HSF2BP: variants seen among roughly 807,000 people sequenced by gnomAD.
The protein encoded by HSF2BP is heat shock factor 2-binding protein.
In HSF2BP, 35 loss-of-function variants were observed where a neutral mutation model predicts 35.0. The observed-to-expected ratio is 1.00, with a 90% CI of 0.76 to 1.32. The LOEUF (loss-of-function observed/expected upper bound fraction) is 1.32. Ranked by LOEUF, HSF2BP falls within the 40% of genes most tolerant of loss-of-function variation. The pLI is 0.00. For synonymous variants in HSF2BP, 114 were observed against 117.4 expected, an observed-to-expected ratio of 0.97 and a Z score of 0.18; for missense variants, 326 against 321.7, an observed-to-expected ratio of 1.01 and a Z score of -0.10.
At chr21:43,578,684 T>G (rs1187723105) in intron 8 of HSF2BP, among the ~76,000 whole-genome samples, 1 of 152,156 alleles carries the variant, frequency 6.6e-6, no homozygotes, top group East Asian at 1.9e-4. Flanking sequence ...CTGACACAAC[T>G]ATAAGAAAGC....
At chr21:43,637,057 G>A (rs952986146) in intron 4 of HSF2BP, among the ~76,000 whole-genome samples, 1 of 152,076 alleles carries the variant, frequency 6.6e-6, no homozygotes, top group Non-Finnish European at 1.5e-5. Context: ...GGAAGGCCAA[G>A]GCGGGCAGAT....
At chr21:43,630,178 G>T in intron 6 of HSF2BP, 144 bp downstream of exon 6, 1 of 563,062 alleles carries the variant, frequency 1.8e-6, no homozygotes, top group Non-Finnish European at 3.0e-6. Context: ...ACATACAACA[G>T]ACTACAGTAT....
chr21:43,573,223 A>C (rs2081598999), intron 8 of HSF2BP, among the ~76,000 whole-genome samples: 1 of 152,144 alleles, frequency 6.6e-6, no homozygotes, highest in South Asian at 2.1e-4. Flanking sequence ...CCACCTTTCT[A>C]ATGCTGCTGC....
At chr21:43,604,622 CCA>C (rs931125075) in intron 7 of HSF2BP, among the ~76,000 whole-genome samples, 1 of 145,106 alleles carries the variant, frequency 6.9e-6, no homozygotes, top group South Asian at 2.3e-4. Flanking sequence ...ACATCATACA[CCA>C]CACAATCATA....
chr21:43,630,898 G>T (rs771235060), intron 5 of HSF2BP, among the ~76,000 whole-genome samples: 7 of 152,080 alleles, frequency 4.6e-5, no homozygotes, highest in African/African-American at 9.7e-5. Context: ...TCATCACTTG[G>T]CAAAAAGCAT....
intron 3 of HSF2BP, among the ~76,000 whole-genome samples, chr21:43,652,369 C>G (rs2082799469): frequency 7.0e-6 from 1 of 142,980 alleles, no homozygotes; most frequent in African/African-American, 2.6e-5. Flanking sequence ...CACCACTGCA[C>G]TCCAGCCTGG....
intron 7 of HSF2BP, among the ~76,000 whole-genome samples, chr21:43,610,759 C>T (rs1279475825): frequency 6.6e-6 from 1 of 152,164 alleles, no homozygotes; most frequent in African/African-American, 2.4e-5. Context: ...ACCAATTTGG[C>T]AGTATCTTAT....
At chr21:43,653,274 G>T (rs2082820941) in intron 3 of HSF2BP, among the ~76,000 whole-genome samples, 1 of 150,818 alleles carries the variant, frequency 6.6e-6, no homozygotes, top group African/African-American at 2.4e-5. Flanking sequence ...GAAGGGAGAA[G>T]GAAGGAAGAG....
At chr21:43,596,487 A>G (rs1479378245) in intron 7 of HSF2BP, among the ~76,000 whole-genome samples, 2 of 152,212 alleles carry the variant, frequency 1.3e-5, no homozygotes, top group African/African-American at 4.8e-5. Flanking sequence ...ACCCTCCACC[A>G]ATAAGAATCA....
intron 8 of HSF2BP, among the ~76,000 whole-genome samples, chr21:43,591,385 T>C (rs900742270): frequency 2.6e-5 from 4 of 152,174 alleles, no homozygotes; most frequent in African/African-American, 9.7e-5. Flanking sequence ...CATACCCACA[T>C]AGAGTACTGT....
intron 4 of HSF2BP, among the ~76,000 whole-genome samples, chr21:43,641,020 T>C (rs2082629280): frequency 6.6e-6 from 1 of 152,240 alleles, no homozygotes; most frequent in Non-Finnish European, 1.5e-5. Flanking sequence ...TAGTTCATTC[T>C]GTATTTTAGC....
intron 7 of HSF2BP, among the ~76,000 whole-genome samples, chr21:43,613,203 T>G (rs113596887): frequency 6.6e-6 from 1 of 152,226 alleles, no homozygotes; most frequent in African/African-American, 2.4e-5. Flanking sequence ...TGAGCGACTG[T>G]GGCTTGAAGA....
At position 43,579,170 on chromosome 21, in the gene HSF2BP, G is replaced by A. The variant is rs575749285; in HGVS notation, c.796+13055C>T. ...CAGTTGACTGTATGCACAGCTGGGA[G>A]GCTTACAAATCATATGGAAGATTTC... On this transcript the variant is annotated intron_variant, in intron 8 of 8. Transcript: ENST00000291560. Among the ~76,000 whole-genome samples, 8 of 152,304 alleles carry A rather than the reference G, an allele frequency of 5.3e-5. No individual in the cohort carries two copies. In the South Asian group the frequency reaches 1.2e-3, roughly 24 times the overall value.
At chr21:43,583,655 C>A (rs2146731852) in intron 8 of HSF2BP, among the ~76,000 whole-genome samples, 1 of 137,998 alleles carries the variant, frequency 7.2e-6, no homozygotes, top group African/African-American at 2.8e-5. Context: ...GATGAAGGAC[C>A]TGCTGAGGGA....
chr21:43,626,863 A>G (rs2082395675), intron 6 of HSF2BP, among the ~76,000 whole-genome samples: 1 of 123,744 alleles, frequency 8.1e-6, no homozygotes, highest in African/African-American at 3.0e-5. Context: ...TTCTATACCA[A>G]GAAATTTTTT....
intron 6 of HSF2BP, among the ~76,000 whole-genome samples, chr21:43,618,959 A>G (rs952202157): frequency 3.3e-5 from 5 of 152,012 alleles, no homozygotes; most frequent in Non-Finnish European, 7.4e-5. Context: ...AAAGAAAAAA[A>G]AAAAAGAAAA....
intron 7 of HSF2BP, among the ~76,000 whole-genome samples, chr21:43,601,100 A>G (rs947701445): frequency 1.3e-5 from 2 of 152,336 alleles, no homozygotes; most frequent in Admixed American, 6.5e-5. Context: ...CACCACTGCT[A>G]TAACATTTTC....
chr21:43,644,324 C>G lies in HSF2BP; in HGVS notation c.256G>C (p.Glu86Gln). ...CTTATGTTGTCGGCCTGCACGGTTTCCAGGCGGGCTTTAAAGTGCTCACAA... is the reference window on the plus strand; with the variant it reads ...CTTATGTTGTCGGCCTGCACGGTTTGCAGGCGGGCTTTAAAGTGCTCACAA... ...MDCEHFKARL[E>Q]TVQADNIREK... The change falls in exon 4 of 9, where the codon GAA (glutamate) becomes CAA (glutamine). Residue 86 changes from glutamate to glutamine, a missense_variant. Transcript: ENST00000291560. 1 of 1,614,090 alleles carries G rather than the reference C, an allele frequency of 6.2e-7. No individual in the cohort carries two copies.
intron 8 of HSF2BP, among the ~76,000 whole-genome samples, chr21:43,579,517 G>C (rs1257283441): frequency 6.6e-6 from 1 of 152,098 alleles, no homozygotes; most frequent in Non-Finnish European, 1.5e-5. Context: ...GTTAATTCTT[G>C]TTCTTATTTT....
Sources: gnomAD v4.1 joint callset for allele counts (sites outside exome capture counted in the v4.1 genomes callset) on GRCh38, gnomAD v4.1.1 for gene constraint, MANE v1.5 for transcripts, NCBI Gene and HGNC (gene_info 2026-07-23, HGNC 2026-07-21) for gene names.